The following TMEM108 variants were observed in gnomAD, a reference collection of about 807,000 sequenced individuals.
TMEM108 encodes cancer/testis antigen 124.
A neutral mutation model predicts 35.1 loss-of-function variants in TMEM108; 12 were observed. The observed-to-expected ratio is 0.34, with a 90% CI of 0.22 to 0.55. TMEM108 has a LOEUF of 0.55. Among genes scored for constraint, TMEM108 ranks in the 20% least tolerant of loss-of-function variants. The pLI is 0.89. For synonymous variants in TMEM108, 287 were observed against 308.6 expected (o/e 0.93, Z 0.73); for missense variants, 680 against 753.3 (o/e 0.90, Z 1.14).
At chr3:133,057,042 A>G (rs1421118253) in intron 2 of TMEM108, among the ~76,000 whole-genome samples, 1 of 152,152 alleles carries the variant, frequency 6.6e-6, no homozygotes, top group Non-Finnish European at 1.5e-5. Flanking sequence ...ACTCTGCCCC[A>G]TATTGATTCC....
intron 2 of TMEM108, among the ~76,000 whole-genome samples, chr3:133,099,949 T>C (rs6769414): frequency 0.34 from 51,335 of 152,126 alleles, 8,795 homozygotes; most frequent in Admixed American, 0.41. Flanking sequence ...TCCACATTTT[T>C]GGGTATCTTT....
In TMEM108 at chr3:133,380,169, C is replaced by A; in HGVS notation, c.458C>A (p.Pro153His). The A allele has an allele frequency of 6.2e-7, 1 of 1,612,774 alleles. No individual in the cohort carries two copies. The highest frequency in any genetic ancestry group is 8.5e-7 in the Non-Finnish European group (1 of 1,179,440). The change falls in exon 4 of 6, where the codon CCC (proline) becomes CAC (histidine). Residue 153 changes from proline (P) to histidine (H), a missense_variant. This residue lies in a region of TMEM108 where 526 missense variants were observed against 532.1 expected (regional missense o/e 0.99). Transcript: ENST00000321871. The surrounding 1 kb of genome is among the most constrained non-coding windows in gnomAD (Gnocchi z 5.3). ...AAGCCACCGGGGGCCACCAGCCGCC[C>A]CACCACAGCGCCCCCCCGCACTACC... Reference protein sequence around the residue: ...LTKPPGATSRPTTAPPRTTTR... With the variant: ...LTKPPGATSRHTTAPPRTTTR...
At chr3:133,266,193 G>GT (rs202143156) in intron 3 of TMEM108, among the ~76,000 whole-genome samples, 7 of 151,292 alleles carry the variant, frequency 4.6e-5, no homozygotes, top group African/African-American at 1.5e-4. Flanking sequence ...TTGCTGTTAG[G>GT]TTTTTTTTGT....
At chr3:133,298,089 G>A (rs1234448310) in intron 3 of TMEM108, among the ~76,000 whole-genome samples, 1 of 152,172 alleles carries the variant, frequency 6.6e-6, no homozygotes, top group East Asian at 1.9e-4. Context: ...CGCTACTGGA[G>A]AGAATTGGAG....
chr3:133,378,268 C>T (rs2072901716), intron 3 of TMEM108: 1 of 908,272 alleles, frequency 1.1e-6, no homozygotes, highest in African/African-American at 1.8e-5. Flanking sequence ...CTCCACCACA[C>T]ACCAAACGGT....
intron 2 of TMEM108, among the ~76,000 whole-genome samples, chr3:133,177,914 C>G (rs1945262449): frequency 6.6e-6 from 1 of 152,058 alleles, no homozygotes; most frequent in Admixed American, 6.6e-5. Context: ...CTAGAAAACC[C>G]CATCGTCTCA....
intron 3 of TMEM108, among the ~76,000 whole-genome samples, chr3:133,338,396 G>C (rs1026535382): frequency 6.6e-6 from 1 of 152,026 alleles, no homozygotes; most frequent in Non-Finnish European, 1.5e-5. Context: ...AGAGAGAGTG[G>C]CATGACATAT....
In TMEM108 at chr3:133,140,128, G is replaced by A. The variant is rs1944621239; in HGVS notation, c.-46-89138G>A. Among the ~76,000 whole-genome samples, 3 of 152,186 alleles carry A rather than the reference G, an allele frequency of 2.0e-5. No homozygotes were observed. In the South Asian group the frequency reaches 6.2e-4, roughly 32 times the overall value. On this transcript the variant is annotated intron_variant, in intron 2 of 5. Coordinates refer to ENST00000321871, the MANE Select transcript of TMEM108 (RefSeq NM_023943.4). ...CTTAATTTGGTTGTTTTTGACAACTGTGCCCACTTTTATCATTGCCCTTTG... is the reference window on the plus strand; with the variant it reads ...CTTAATTTGGTTGTTTTTGACAACTATGCCCACTTTTATCATTGCCCTTTG...
At chr3:133,311,325 C>T (rs1009931616) in intron 3 of TMEM108, among the ~76,000 whole-genome samples, 2 of 152,222 alleles carry the variant, frequency 1.3e-5, no homozygotes, top group African/African-American at 2.4e-5. Context: ...TGGTTCCATT[C>T]TCCCTGTCAC....
chr3:133,354,801 AT>A (rs10536121), intron 3 of TMEM108, among the ~76,000 whole-genome samples: 31 of 150,052 alleles, frequency 2.1e-4, no homozygotes, highest in Admixed American at 5.3e-4. Flanking sequence ...TCATATAACC[AT>A]TTTTTTTTCA....
chr3:133,359,973 G>C (rs931175387), intron 3 of TMEM108, among the ~76,000 whole-genome samples: 1 of 140,662 alleles, frequency 7.1e-6, no homozygotes, highest in Admixed American at 7.7e-5. Flanking sequence ...ATACGAATTG[G>C]TCATATCCCT....
At chr3:133,312,028 G>A (rs147572347) in intron 3 of TMEM108, among the ~76,000 whole-genome samples, 1,906 of 152,318 alleles carry the variant, frequency 0.013, 17 homozygotes, top group South Asian at 0.024. Flanking sequence ...GTTTGCCTGC[G>A]TATCACCAGC....
chr3:133,372,736 T>C (rs2072711777), intron 3 of TMEM108, among the ~76,000 whole-genome samples: 1 of 152,242 alleles, frequency 6.6e-6, no homozygotes, highest in South Asian at 2.1e-4. Context: ...CAGTTAGCTC[T>C]AAGCAGAACT....
At chr3:133,166,781 G>A (rs1324977963) in intron 2 of TMEM108, among the ~76,000 whole-genome samples, 1 of 152,212 alleles carries the variant, frequency 6.6e-6, no homozygotes, top group African/African-American at 2.4e-5. Context: ...TTATTGCAAA[G>A]AGCTAAAGAA....
chr3:133,203,061 A>G (rs1945695123), intron 2 of TMEM108, among the ~76,000 whole-genome samples: 1 of 152,130 alleles, frequency 6.6e-6, no homozygotes, highest in South Asian at 2.1e-4. Flanking sequence ...GCAATTCTGA[A>G]TGGCAGTTCA....
intron 2 of TMEM108, among the ~76,000 whole-genome samples, chr3:133,176,478 C>T (rs1945231077): frequency 6.6e-6 from 1 of 152,162 alleles, no homozygotes; most frequent in African/African-American, 2.4e-5. Flanking sequence ...TCTCAGACCA[C>T]AGTGCAGTCA....
At chr3:133,167,058 A>C (rs1031322530) in intron 2 of TMEM108, among the ~76,000 whole-genome samples, 2 of 152,068 alleles carry the variant, frequency 1.3e-5, no homozygotes, top group Non-Finnish European at 1.5e-5. Context: ...TGCATTTACA[A>C]ACCTTGAGCT....
At chr3:133,205,573 G>T (rs981464171) in intron 2 of TMEM108, among the ~76,000 whole-genome samples, 3 of 152,136 alleles carry the variant, frequency 2.0e-5, no homozygotes, top group Non-Finnish European at 4.4e-5. Context: ...AGCTTAGTTT[G>T]GCTGGATATG....
At chr3:133,326,648 C>G (rs1161950320) in intron 3 of TMEM108, among the ~76,000 whole-genome samples, 1 of 152,088 alleles carries the variant, frequency 6.6e-6, no homozygotes, top group Non-Finnish European at 1.5e-5. Flanking sequence ...CTGACATTTT[C>G]CTAGATCACA....
Sources: gnomAD v4.1 joint callset for allele counts (sites outside exome capture counted in the v4.1 genomes callset) on GRCh38, gnomAD v4.1.1 for gene constraint, gnomAD v4.1.1 regional missense constraint, Gnocchi (gnomAD v3.1) non-coding constraint, MANE v1.5 for transcripts, NCBI Gene and HGNC (gene_info 2026-07-23, HGNC 2026-07-21) for gene names.